Variants in UVRAG observed in about 807,000 individuals in gnomAD.
UVRAG encodes UV radiation resistance associated, also known as UV radiation resistance-associated gene protein.
Under a neutral mutation model 78.0 loss-of-function variants are expected in UVRAG, and 19 were observed. The observed-to-expected ratio is 0.24, with a 90% confidence interval of 0.17 to 0.36. UVRAG has a LOEUF of 0.36. Among genes scored for constraint, UVRAG ranks in the 10% least tolerant of loss-of-function variants. The probability of loss-of-function intolerance (pLI) is 1.00; values close to 1 mark genes in which losing one functional copy is unlikely to be tolerated. For synonymous variants in UVRAG, 323 were observed against 324.6 expected, an observed-to-expected ratio of 1.00 and a Z score of 0.05; for missense variants, 740 against 853.8, an observed-to-expected ratio of 0.87 and a Z score of 1.66.
At chr11:75,849,207 G>A (rs1212376205) in intron 1 of UVRAG, among the ~76,000 whole-genome samples, 1 of 147,676 alleles carries the variant, frequency 6.8e-6, no homozygotes, top group Non-Finnish European at 1.5e-5. Flanking sequence ...TTGAGATAAA[G>A]AAATGAATAA....
At chr11:75,817,507 C>T (rs1051567628) in intron 1 of UVRAG, among the ~76,000 whole-genome samples, 8 of 152,100 alleles carry the variant, frequency 5.3e-5, no homozygotes, top group African/African-American at 1.9e-4. Context: ...CTATTTACAT[C>T]TTTCTGGGGG....
chr11:75,839,772 C>T (rs1273502612), intron 1 of UVRAG, among the ~76,000 whole-genome samples: 1 of 150,342 alleles, frequency 6.7e-6, no homozygotes, highest in African/African-American at 2.5e-5. Flanking sequence ...ATCAGTATAT[C>T]AATGTATATT....
At chr11:75,861,802 T>G (rs1301111990) in intron 3 of UVRAG, 22 bp downstream of exon 3, 1 of 1,592,810 alleles carries the variant, frequency 6.3e-7, no homozygotes, top group Non-Finnish European at 8.6e-7. Flanking sequence ...TTCTGACGGG[T>G]ACATATGACT....
At chr11:75,896,885 G>T (rs1006935654) in intron 5 of UVRAG, among the ~76,000 whole-genome samples, 2 of 152,174 alleles carry the variant, frequency 1.3e-5, no homozygotes, top group Non-Finnish European at 1.5e-5. Context: ...TTGTTATAAG[G>T]CTGGAGTGAA....
Position 75,994,958 on chromosome 11 carries a change from C to G in UVRAG, c.827-9047C>G, listed in dbSNP as rs77706251. 9.2e-3 allele frequency among the ~76,000 whole-genome samples: 1,407 copies of G among 152,240 alleles called. 26 individuals carry two copies. The highest frequency in any genetic ancestry group is 0.032 in the African/African-American group (1,313 of 41,548). The stretch of plus-strand genomic sequence containing the variant: ...CAACTTTGTCCTTAGACAGGTCTTT[C>G]AACTTTTTGAGCTTATTTCCTCTGC... On this transcript the variant is annotated intron_variant, in intron 8 of 14. Coordinates refer to ENST00000356136, the MANE Select transcript of UVRAG (RefSeq NM_003369.4).
intron 14 of UVRAG, among the ~76,000 whole-genome samples, chr11:76,120,946 A>G (rs1952262761): frequency 6.6e-6 from 1 of 152,086 alleles, no homozygotes; most frequent in African/African-American, 2.4e-5. Flanking sequence ...AAACACTTCC[A>G]TTTTCTGTGT....
chr11:75,940,942 A>G (rs1948471552), intron 6 of UVRAG, among the ~76,000 whole-genome samples: 1 of 152,158 alleles, frequency 6.6e-6, no homozygotes, highest in African/African-American at 2.4e-5. Flanking sequence ...ACAAGTAGAC[A>G]TCATTAATTG....
intron 14 of UVRAG, among the ~76,000 whole-genome samples, chr11:76,120,714 A>C (rs1952257417): frequency 1.3e-5 from 2 of 152,208 alleles, no homozygotes; most frequent in South Asian, 2.1e-4. Context: ...CTGCAAAATG[A>C]ATGCTACATA....
intron 6 of UVRAG, among the ~76,000 whole-genome samples, chr11:75,948,622 G>A (rs964269789): frequency 1.3e-5 from 2 of 152,144 alleles, no homozygotes; most frequent in Admixed American, 6.5e-5. Flanking sequence ...TTCATTTAGT[G>A]TAGAAAAATG....
chr11:75,883,949 A>T (rs950140362), intron 4 of UVRAG, among the ~76,000 whole-genome samples: 1 of 152,188 alleles, frequency 6.6e-6, no homozygotes, highest in East Asian at 1.9e-4. Context: ...CTTTTGGGTA[A>T]ATCTCCAGGA....
intron 1 of UVRAG, among the ~76,000 whole-genome samples, chr11:75,828,806 T>TA (rs1206464158): frequency 1.0e-4 from 8 of 78,990 alleles, no homozygotes; most frequent in Non-Finnish European, 2.0e-4. Flanking sequence ...TATATATATA[T>TA]TTTTTTTTTT....
intron 13 of UVRAG, among the ~76,000 whole-genome samples, chr11:76,111,001 A>G (rs1952058169): frequency 6.6e-6 from 1 of 151,828 alleles, no homozygotes; most frequent in Non-Finnish European, 1.5e-5. Context: ...TGGGAGGCGC[A>G]CACCACCACA....
chr11:75,854,208 G>T (rs973535792), intron 2 of UVRAG, among the ~76,000 whole-genome samples: 1 of 152,118 alleles, frequency 6.6e-6, no homozygotes, highest in Admixed American at 6.5e-5. Context: ...TCTTTATCAG[G>T]TTCTGTCTTG....
intron 11 of UVRAG, among the ~76,000 whole-genome samples, chr11:76,014,931 G>A (rs1439208995): frequency 6.6e-6 from 1 of 152,178 alleles, no homozygotes; most frequent in Non-Finnish European, 1.5e-5. Context: ...GGTGGGACTG[G>A]GGCAAGAGGA....
At chr11:75,894,851 AT>A (rs1283756882) in intron 5 of UVRAG, among the ~76,000 whole-genome samples, 1 of 151,776 alleles carries the variant, frequency 6.6e-6, no homozygotes, top group Non-Finnish European at 1.5e-5. Flanking sequence ...TAGATTTCTA[AT>A]TAGCAGAGGA....
At chr11:75,935,516 A>G (rs913917955) in intron 6 of UVRAG, among the ~76,000 whole-genome samples, 2 of 152,040 alleles carry the variant, frequency 1.3e-5, no homozygotes, top group African/African-American at 4.8e-5. Flanking sequence ...ATTGACCATT[A>G]TTTCCATGGA....
chr11:75,882,074 A>C (rs1946958532), intron 4 of UVRAG, among the ~76,000 whole-genome samples: 1 of 152,206 alleles, frequency 6.6e-6, no homozygotes, highest in Non-Finnish European at 1.5e-5. Flanking sequence ...CTATGGTACT[A>C]CTATTAAAGG....
At chr11:76,135,936 T>G (rs1257987397) in intron 14 of UVRAG, among the ~76,000 whole-genome samples, 1 of 152,212 alleles carries the variant, frequency 6.6e-6, no homozygotes, top group East Asian at 1.9e-4. Flanking sequence ...TCCCTGTAAG[T>G]TTTTCATCAC....
intron 13 of UVRAG, among the ~76,000 whole-genome samples, chr11:76,076,182 G>A (rs976637770): frequency 1.1e-4 from 17 of 152,108 alleles, no homozygotes; most frequent in African/African-American, 3.9e-4. Flanking sequence ...TTCTAAAGTG[G>A]CAACACCATT....
Sources: allele counts gnomAD v4.1 joint callset (sites outside exome capture counted in the v4.1 genomes callset), GRCh38; gene constraint gnomAD v4.1.1; transcripts MANE v1.5; gene names NCBI Gene and HGNC (gene_info 2026-07-23, HGNC 2026-07-21).